SPTBN1: variants seen among roughly 807,000 people sequenced by gnomAD.
The protein encoded by SPTBN1 is spectrin beta, non-erythrocytic 1, also known as spectrin beta chain, non-erythrocytic 1.
A neutral mutation model predicts 266.4 loss-of-function variants in SPTBN1; 32 were observed. The ratio of observed to expected loss-of-function variants is 0.12; its 90% CI spans 0.09 to 0.16. SPTBN1 has a LOEUF of 0.16. Among genes scored for constraint, SPTBN1 ranks in the 10% least tolerant of loss-of-function variants. SPTBN1 has a pLI of 1.00. For missense variants in SPTBN1, 2,296 were observed against 3,067.1 expected (o/e 0.75, Z 5.94); for synonymous variants, 1,336 against 1,162.2 (o/e 1.15, Z -3.04).
chr2:54,655,378 TA>T (rs1680582613), intron 28 of SPTBN1, among the ~76,000 whole-genome samples, 170 bp downstream of exon 28: 1 of 152,242 alleles, frequency 6.6e-6, no homozygotes, highest in African/African-American at 2.4e-5. Flanking sequence ...TGCAAGACTC[TA>T]GGCCCAGGCT....
intron 1 of SPTBN1, among the ~76,000 whole-genome samples, chr2:54,464,535 C>T (rs1384006601): frequency 6.6e-6 from 1 of 152,100 alleles, no homozygotes; most frequent in Non-Finnish European, 1.5e-5. Context: ...GTGATTTCCT[C>T]TCTTGTATGA....
rs151258127 is a variant in SPTBN1, at chr2:54,623,520, T to G, written c.1106T>G (p.Ile369Ser). 1 of 1,614,080 alleles carries G rather than the reference T, an allele frequency of 6.2e-7. No homozygotes were observed. Among genetic ancestry groups the G allele is most frequent in the Non-Finnish European group, 8.5e-7 (1 of 1,180,028 alleles). ...AACTTGGAAGTGCTGCTCTTCACCATTCAGAGCAAGATGAGGGCCAACAAC... is the reference window on the plus strand; with the variant it reads ...AACTTGGAAGTGCTGCTCTTCACCAGTCAGAGCAAGATGAGGGCCAACAAC... ...KGNLEVLLFTIQSKMRANNQK... is the reference protein window; with the variant it reads ...KGNLEVLLFTSQSKMRANNQK... The change falls in exon 10 of 36, where the codon ATT becomes AGT. Residue 369 changes from isoleucine to serine, a missense_variant. Physicochemically the swap from Ile to Ser is moderately radical, Grantham distance 142. Around this residue, in one of 12 missense-constraint regions of SPTBN1, gnomAD observed 148 missense variants for 203.8 expected, o/e 0.73. Coordinates refer to ENST00000356805, the MANE Select transcript of SPTBN1 (RefSeq NM_003128.3).
chr2:54,621,295 G>A (rs940786271), intron 7 of SPTBN1, 105 bp from the exon 8 acceptor site: 24 of 723,528 alleles, frequency 3.3e-5, no homozygotes, highest in Admixed American at 2.2e-4. Flanking sequence ...ACATGAAGAC[G>A]CTGAACTGTT....
intron 1 of SPTBN1, among the ~76,000 whole-genome samples, chr2:54,475,314 G>T (rs1667771264): frequency 1.3e-5 from 2 of 152,188 alleles, no homozygotes; most frequent in Admixed American, 6.5e-5. Context: ...GCAACAGTTT[G>T]TCTCCTTTTG....
At chr2:54,507,802 CTT>C (rs35551436) in intron 1 of SPTBN1, among the ~76,000 whole-genome samples, 7 of 139,800 alleles carry the variant, frequency 5.0e-5, no homozygotes, top group Admixed American at 7.1e-5. Context: ...ATAGAGTCCC[CTT>C]TTTTTTTTTT....
At position 54,533,368 on chromosome 2, in the gene SPTBN1, G is replaced by GTGTGTC. The variant is rs1220413406; in HGVS notation, c.148+6807_148+6808insCTGTGT. 6.9e-6 allele frequency among the ~76,000 whole-genome samples: 1 copy of GTGTGTC among 145,016 alleles called. No individual in the cohort carries two copies. The highest frequency in any genetic ancestry group is 2.5e-5 in the African/African-American group (1 of 40,614). ...GGGACTAGTGTGTGTGTGTGTGTGT[G>GTGTGTC]TGTGTGTGTGTGTGTGTGTGTGTGT... is the stretch of plus-strand genomic sequence containing the variant. On this transcript the variant is annotated intron_variant, in intron 2 of 35. Coordinates refer to ENST00000356805, the MANE Select transcript of SPTBN1 (RefSeq NM_003128.3). The surrounding 1 kb of genome is among the most constrained non-coding windows in gnomAD (Gnocchi z 4.2).
chr2:54,522,553 C>T (rs1390299877), intron 1 of SPTBN1, among the ~76,000 whole-genome samples: 2 of 151,242 alleles, frequency 1.3e-5, no homozygotes, highest in Admixed American at 6.6e-5. Context: ...ATTGCTTGAA[C>T]CTGGGAGGTG....
intron 1 of SPTBN1, among the ~76,000 whole-genome samples, chr2:54,487,701 A>G (rs933151165): frequency 4.6e-5 from 7 of 151,052 alleles, no homozygotes; most frequent in African/African-American, 1.5e-4. Context: ...GAATCAGTGA[A>G]GTCATGTATC....
chr2:54,532,538 C>T (rs963390222), intron 2 of SPTBN1, among the ~76,000 whole-genome samples: 2 of 152,144 alleles, frequency 1.3e-5, no homozygotes, highest in Non-Finnish European at 2.9e-5. Context: ...GTAGATGGTA[C>T]TTCCCCACTT....
At chr2:54,561,472 G>A (rs1473252660) in intron 2 of SPTBN1, among the ~76,000 whole-genome samples, 1 of 152,012 alleles carries the variant, frequency 6.6e-6, no homozygotes, top group Non-Finnish European at 1.5e-5. Context: ...ACTTATTTAT[G>A]TATTGTCTGT....
chr2:54,487,692 A>C (rs1668471904), intron 1 of SPTBN1, among the ~76,000 whole-genome samples: 1 of 150,926 alleles, frequency 6.6e-6, no homozygotes, highest in Non-Finnish European at 1.5e-5. Context: ...TGAATAAATG[A>C]ATCAGTGAAG....
chr2:54,626,313 C>T lies in SPTBN1; in HGVS notation c.1644+79C>T, dbSNP rs1005532921. On this transcript the variant is annotated intron_variant, in intron 12 of 35. Transcript: ENST00000356805. The surrounding 1 kb of genome is among the most constrained non-coding windows in gnomAD (Gnocchi z 4.7). ...TTTCTGTGACTCATTCACTAAACCC[C>T]TACGTACAGCTGTGTGCCTTGTCTA... is the stretch of plus-strand genomic sequence containing the variant. 2.7e-6 allele frequency: 4 copies of T among 1,485,534 alleles called. No individual in the cohort carries two copies. Among genetic ancestry groups the T allele is most frequent in the Admixed American group, 2.1e-5 (1 of 47,360 alleles). The allele number at this position is 1,485,534 out of a possible 1,614,324, so 92.0% of individuals were successfully genotyped here. A position where few individuals can be genotyped will look rare whatever the true frequency, so the allele number is the denominator to read the frequency against.
At chr2:54,640,032 C>G (rs747778075) in intron 18 of SPTBN1, among the ~76,000 whole-genome samples, 2 of 152,122 alleles carry the variant, frequency 1.3e-5, no homozygotes, top group Non-Finnish European at 2.9e-5. Context: ...TGTATAGTCT[C>G]TGCATGGTTG....
chr2:54,591,462 A>G (rs751463553), intron 2 of SPTBN1, among the ~76,000 whole-genome samples: 6 of 152,212 alleles, frequency 3.9e-5, no homozygotes, highest in South Asian at 2.1e-4. Context: ...TCTTAGCACA[A>G]TTGAAGAGCC....
intron 2 of SPTBN1, among the ~76,000 whole-genome samples, chr2:54,541,329 T>G (rs1034977057): frequency 1.3e-5 from 2 of 152,228 alleles, no homozygotes; most frequent in Non-Finnish European, 2.9e-5. Context: ...TTATACTCAT[T>G]GTCTCCAAGC....
intron 4 of SPTBN1, among the ~76,000 whole-genome samples, chr2:54,612,759 T>A (rs574106852): frequency 6.6e-6 from 1 of 152,262 alleles, no homozygotes; most frequent in Admixed American, 6.5e-5. Context: ...CAGAACATTT[T>A]TTGGCAAAGC....
intron 1 of SPTBN1, among the ~76,000 whole-genome samples, chr2:54,478,858 C>A (rs1291099703): frequency 6.6e-6 from 1 of 151,574 alleles, no homozygotes. Flanking sequence ...ATACACAATA[C>A]CAGAGATAAA....
intron 3 of SPTBN1, among the ~76,000 whole-genome samples, chr2:54,599,699 G>A (rs1676349381): frequency 6.6e-6 from 1 of 152,176 alleles, no homozygotes; most frequent in African/African-American, 2.4e-5. Context: ...TTTCTTCCCT[G>A]CACGCTTTTT....
In SPTBN1 at chr2:54,664,717, T is replaced by A. The variant is rs367559093; in HGVS notation, c.6659+26T>A. The A allele has an allele frequency of 6.2e-7, 1 of 1,608,370 alleles. No individual in the cohort carries two copies. The highest frequency in any genetic ancestry group is 1.3e-5 in the African/African-American group (1 of 74,752). On this transcript the variant is annotated intron_variant, in intron 33 of 35. Coordinates refer to ENST00000356805, the MANE Select transcript of SPTBN1 (RefSeq NM_003128.3). This position sits in a 1 kb window ranked among gnomAD's most constrained non-coding sequence, Gnocchi z 5.6. ...GTAACAGCAGCAGAGGCTGCCACAG[T>A]AAGATGGGAAGTCAGCCTGTGAAGG...
Sources: allele counts gnomAD v4.1 joint callset (sites outside exome capture counted in the v4.1 genomes callset), GRCh38; gene constraint gnomAD v4.1.1; regional missense constraint gnomAD v4.1.1; non-coding constraint Gnocchi (gnomAD v3.1); transcripts MANE v1.5; gene names NCBI Gene and HGNC (gene_info 2026-07-23, HGNC 2026-07-21).